OPCML: variants seen among roughly 807,000 people sequenced by gnomAD.
OPCML encodes opioid binding protein/cell adhesion molecule like, also known as opioid-binding protein/cell adhesion molecule.
Under a neutral mutation model 37.8 loss-of-function variants are expected in OPCML, and 13 were observed. That is an observed-to-expected ratio of 0.34 (90% CI 0.22 to 0.55). The LOEUF (loss-of-function observed/expected upper bound fraction) is 0.55. Among genes scored for constraint, OPCML ranks in the 20% least tolerant of loss-of-function variants. OPCML has a pLI of 0.91. For synonymous variants in OPCML, 176 were observed against 168.8 expected (o/e 1.04, Z -0.33); for missense variants, 341 against 435.6 (o/e 0.78, Z 1.93).
intron 1 of OPCML, among the ~76,000 whole-genome samples, chr11:133,437,421 C>G (rs1946257017): frequency 1.3e-5 from 2 of 152,172 alleles, no homozygotes; most frequent in Non-Finnish European, 2.9e-5. Context: ...GTAAACGCTT[C>G]AGCATCATGT....
intron 2 of OPCML, among the ~76,000 whole-genome samples, chr11:132,859,004 A>G (rs1445634600): frequency 6.6e-6 from 1 of 152,200 alleles, no homozygotes; most frequent in Non-Finnish European, 1.5e-5. Flanking sequence ...ATTAGTTTAA[A>G]TATTAAATAT....
At chr11:133,304,781 A>C (rs1942870507) in intron 1 of OPCML, among the ~76,000 whole-genome samples, 2 of 152,226 alleles carry the variant, frequency 1.3e-5, no homozygotes, top group South Asian at 2.1e-4. Context: ...ATCTTGGCCC[A>C]CATACCTTAA....
chr11:133,497,083 C>T lies in OPCML; in HGVS notation c.61+35181G>A, dbSNP rs1347570523. 2.0e-5 allele frequency among the ~76,000 whole-genome samples: 3 copies of T among 152,070 alleles called. No individual in the cohort carries two copies. The East Asian group carries it at 5.8e-4, about 29-fold the overall frequency. Reference sequence around the variant, plus strand: ...ACATTAAAGTGTGTCCCTTGTATGCCGATTTTGCTGAGAGTTTTAATCATA... The same window carrying T: ...ACATTAAAGTGTGTCCCTTGTATGCTGATTTTGCTGAGAGTTTTAATCATA... On this transcript the variant is annotated intron_variant, in intron 1 of 7. Transcript: ENST00000524381.
chr11:132,875,745 G>T (rs1415469799), intron 2 of OPCML, among the ~76,000 whole-genome samples: 1 of 152,100 alleles, frequency 6.6e-6, no homozygotes, highest in South Asian at 2.1e-4. Context: ...TTATAGGTGT[G>T]AGTCACCATG....
intron 1 of OPCML, among the ~76,000 whole-genome samples, chr11:133,465,467 T>A (rs1946953736): frequency 6.7e-6 from 1 of 150,186 alleles, no homozygotes; most frequent in African/African-American, 2.5e-5. Context: ...TGTAGATGAG[T>A]TTTAGTTCAT....
rs78601350 is a variant in OPCML at position 133,137,560 on chromosome 11, A to G, written c.62-194550T>C. ...AGTAAGAGTCAATATCATGCTGGCC[A>G]TATTGCTTCTGATATCTTTAGGATC... On this transcript the variant is annotated intron_variant, in intron 1 of 7. Transcript: ENST00000524381. Among the ~76,000 whole-genome samples, 1,003 of 152,274 alleles carry G rather than the reference A, an allele frequency of 6.6e-3. 11 individuals carry two copies. The highest frequency in any genetic ancestry group is 0.023 in the African/African-American group (941 of 41,560).
rs558220081 is a variant in OPCML, at chr11:133,398,645, T to C, written c.61+133619A>G. The stretch of plus-strand genomic sequence containing the variant: ...AATCTAAAGAGATGCAAACAAGAAA[T>C]ATGCAATTTTCAAAATAAGTTTAAA... On this transcript the variant is annotated intron_variant, in intron 1 of 7. Transcript: ENST00000524381. Among the ~76,000 whole-genome samples the C allele has an allele frequency of 2.6e-5, 4 of 152,058 alleles. No individual in the cohort carries two copies. The South Asian group carries it at 6.2e-4, about 24-fold the overall frequency.
chr11:132,514,041 C>A (rs903032284), intron 4 of OPCML, among the ~76,000 whole-genome samples: 1 of 152,082 alleles, frequency 6.6e-6, no homozygotes, highest in African/African-American at 2.4e-5. Context: ...TACATTTAGC[C>A]AAAGTCTCCA....
At chr11:133,231,828 C>T (rs1352192012) in intron 1 of OPCML, among the ~76,000 whole-genome samples, 1 of 152,064 alleles carries the variant, frequency 6.6e-6, no homozygotes, top group Non-Finnish European at 1.5e-5. Context: ...AAGATGAGCT[C>T]TTATTGTCAA....
chr11:133,166,199 T>C (rs533538821), intron 1 of OPCML, among the ~76,000 whole-genome samples: 4 of 152,294 alleles, frequency 2.6e-5, no homozygotes, highest in Admixed American at 6.5e-5. Context: ...TACAAGATCC[T>C]CACAGTTCAG....
chr11:132,994,236 G>T (rs540658943), intron 1 of OPCML, among the ~76,000 whole-genome samples: 2 of 152,352 alleles, frequency 1.3e-5, no homozygotes, highest in Non-Finnish European at 2.9e-5. Context: ...CCAGGAGCCG[G>T]CGCGCGCGGG....
At chr11:132,800,895 G>A (rs752734427) in intron 2 of OPCML, among the ~76,000 whole-genome samples, 6 of 152,064 alleles carry the variant, frequency 3.9e-5, no homozygotes, top group Admixed American at 2.6e-4. Flanking sequence ...TGGTGTTAGA[G>A]TAATAATTAC....
intron 1 of OPCML, among the ~76,000 whole-genome samples, chr11:133,520,064 G>A (rs535901364): frequency 6.6e-6 from 1 of 152,176 alleles, no homozygotes; most frequent in South Asian, 2.1e-4. Flanking sequence ...CCCAAAGGAG[G>A]GTTAGAGCAG....
At chr11:132,636,995 T>TA (rs1264145217) in intron 3 of OPCML, among the ~76,000 whole-genome samples, 1 of 152,248 alleles carries the variant, frequency 6.6e-6, no homozygotes, top group African/African-American at 2.4e-5. Context: ...ACTGTTTGAA[T>TA]ATCATTTATG....
intron 1 of OPCML, among the ~76,000 whole-genome samples, chr11:133,123,931 A>G (rs1949458740): frequency 1.3e-5 from 2 of 152,138 alleles, no homozygotes; most frequent in Admixed American, 1.3e-4. Flanking sequence ...GTGCCAGACA[A>G]AAGCAGAGCC....
At chr11:132,667,241 T>C (rs1390115967) in intron 2 of OPCML, among the ~76,000 whole-genome samples, 1 of 152,232 alleles carries the variant, frequency 6.6e-6, no homozygotes, top group East Asian at 1.9e-4. Context: ...AATTAATTCA[T>C]TTTGCAAATA....
chr11:132,745,586 A>T (rs1945596804), intron 2 of OPCML, among the ~76,000 whole-genome samples: 1 of 150,328 alleles, frequency 6.7e-6, no homozygotes. Context: ...AAAAAAAAGA[A>T]AGAAAGAAAG....
intron 3 of OPCML, among the ~76,000 whole-genome samples, chr11:132,640,729 T>C (rs1474745991): frequency 2.0e-5 from 3 of 152,154 alleles, no homozygotes; most frequent in African/African-American, 7.2e-5. Flanking sequence ...TGTGGTGTGA[T>C]AGAGCCACAC....
chr11:132,992,918 G>A (rs1049960099), intron 1 of OPCML, among the ~76,000 whole-genome samples: 3 of 152,152 alleles, frequency 2.0e-5, no homozygotes, highest in Admixed American at 6.5e-5. Flanking sequence ...TTGACATCCA[G>A]TGGTGAATTC....
Sources: allele counts gnomAD v4.1 joint callset (sites outside exome capture counted in the v4.1 genomes callset), GRCh38; gene constraint gnomAD v4.1.1; transcripts MANE v1.5; gene names NCBI Gene and HGNC (gene_info 2026-07-23, HGNC 2026-07-21).